SNTG1: variants seen among roughly 807,000 people sequenced by gnomAD.
The protein encoded by SNTG1 is gamma-1-syntrophin.
SNTG1 carries 39 observed loss-of-function variants against 74.7 expected under a neutral mutation model. That is an observed-to-expected ratio of 0.52 (90% CI 0.40 to 0.68). SNTG1 has a LOEUF of 0.68. SNTG1 is among the 30% of genes least tolerant of loss of function. The pLI is 0.00. For synonymous variants in SNTG1, 254 were observed against 217.1 expected, an observed-to-expected ratio of 1.17 and a Z score of -1.49; for missense variants, 685 against 609.5, an observed-to-expected ratio of 1.12 and a Z score of -1.30.
At chr8:50,499,940 A>G (rs2129640061) in intron 8 of SNTG1, among the ~76,000 whole-genome samples, 2 of 152,216 alleles carry the variant, frequency 1.3e-5, no homozygotes, top group Admixed American at 1.3e-4. Context: ...TAATGTTTAC[A>G]TAAGTCCTTT....
At chr8:50,569,224 T>C (rs1185740637) in intron 12 of SNTG1, among the ~76,000 whole-genome samples, 1 of 152,154 alleles carries the variant, frequency 6.6e-6, no homozygotes, top group Non-Finnish European at 1.5e-5. Flanking sequence ...CATTGCTTAA[T>C]ACGGAAGATG....
chr8:50,011,161 C>T (rs1038870035), intron 1 of SNTG1, among the ~76,000 whole-genome samples: 1 of 152,230 alleles, frequency 6.6e-6, no homozygotes, highest in South Asian at 2.1e-4. Flanking sequence ...ATCTCCTCAT[C>T]TCATTGAGAA....
intron 1 of SNTG1, chr8:50,163,855 T>A (rs1410259131): frequency 1.3e-5 from 2 of 152,206 alleles, no homozygotes; most frequent in Non-Finnish European, 2.9e-5. Context: ...AGATTCTAAA[T>A]GGAACATGAC....
chr8:50,275,005 T>C (rs1430471931), intron 2 of SNTG1, among the ~76,000 whole-genome samples: 1 of 152,186 alleles, frequency 6.6e-6, no homozygotes, highest in Admixed American at 6.6e-5. Context: ...CACCTATATT[T>C]ATAAATTATG....
rs137966145 is a variant in SNTG1, at chr8:50,664,780, C to T, written c.1038+6117C>T. ...CGGACGTAACTGCATGACTTGAAGCCCAAGTGTAGTAGTTGTTATGCTAAC... is the reference window on the plus strand; with the variant it reads ...CGGACGTAACTGCATGACTTGAAGCTCAAGTGTAGTAGTTGTTATGCTAAC... On this transcript the variant is annotated intron_variant, in intron 15 of 18. Transcript: ENST00000642720. Among the ~76,000 whole-genome samples, 32 of 152,110 alleles carry T rather than the reference C, an allele frequency of 2.1e-4. 1 individual carries two copies. The highest frequency in any genetic ancestry group is 7.0e-4 in the African/African-American group (29 of 41,502).
chr8:50,764,470 C>T (rs535729948), intron 18 of SNTG1, among the ~76,000 whole-genome samples: 1 of 152,002 alleles, frequency 6.6e-6, no homozygotes, highest in Non-Finnish European at 1.5e-5. Flanking sequence ...CATTTTGAGA[C>T]ATTTCTCAAA....
chr8:50,367,359 A>C (rs1314529871), intron 2 of SNTG1, among the ~76,000 whole-genome samples: 5 of 152,100 alleles, frequency 3.3e-5, no homozygotes, highest in Non-Finnish European at 5.9e-5. Flanking sequence ...AAATTCCCAC[A>C]GTAAAATTAG....
chr8:50,533,084 A>G (rs983340805), intron 10 of SNTG1, among the ~76,000 whole-genome samples: 2 of 152,190 alleles, frequency 1.3e-5, no homozygotes, highest in Non-Finnish European at 2.9e-5. Flanking sequence ...CGACATCACT[A>G]ATTTGAAGGT....
At chr8:49,996,099 T>A (rs1263729371) in intron 1 of SNTG1, among the ~76,000 whole-genome samples, 1 of 152,146 alleles carries the variant, frequency 6.6e-6, no homozygotes, top group Non-Finnish European at 1.5e-5. Context: ...TTATTAAAAT[T>A]GAATTTTTTG....
chr8:50,535,443 A>T (rs1006737563), intron 10 of SNTG1, among the ~76,000 whole-genome samples: 2 of 152,142 alleles, frequency 1.3e-5, no homozygotes, highest in Non-Finnish European at 2.9e-5. Flanking sequence ...GGCCAGGAGA[A>T]AGAGTAATAT....
intron 2 of SNTG1, among the ~76,000 whole-genome samples, chr8:50,379,229 G>C (rs964429885): frequency 1.3e-5 from 2 of 152,196 alleles, no homozygotes; most frequent in Non-Finnish European, 2.9e-5. Flanking sequence ...GACGGCATCT[G>C]GGCTTGGCCC....
chr8:50,139,087 G>T (rs2081575119), intron 1 of SNTG1, among the ~76,000 whole-genome samples: 1 of 152,044 alleles, frequency 6.6e-6, no homozygotes. Context: ...GCTTACATTT[G>T]TGTAGATTTT....
intron 1 of SNTG1, among the ~76,000 whole-genome samples, chr8:50,170,925 A>T (rs1420489508): frequency 8.5e-5 from 13 of 152,154 alleles, no homozygotes; most frequent in Non-Finnish European, 1.6e-4. Context: ...GCACAGGAGG[A>T]TCTGTCCCAG....
At chr8:50,144,627 T>C (rs2081791382) in intron 1 of SNTG1, among the ~76,000 whole-genome samples, 1 of 152,106 alleles carries the variant, frequency 6.6e-6, no homozygotes, top group South Asian at 2.1e-4. Flanking sequence ...AGGAAGCTTC[T>C]TCAGGAATGG....
At chr8:49,922,307 A>G (rs766935208) in intron 1 of SNTG1, among the ~76,000 whole-genome samples, 1 of 152,140 alleles carries the variant, frequency 6.6e-6, no homozygotes, top group Non-Finnish European at 1.5e-5. Flanking sequence ...GGAGTGAATT[A>G]TCTACTTTCT....
At position 50,794,673 on chromosome 8, in the gene SNTG1, A is replaced by C. The variant is rs376464383; in HGVS notation, c.*1844A>C. On this transcript the variant is annotated 3_prime_UTR_variant, in exon 19 of 19. Transcript: ENST00000642720. Reference sequence around the variant, plus strand: ...AGCAGTGGGATACATCGAACTTAGAATTTTCAGCTGTGGCAAGTGGTTCAT... The same window carrying C: ...AGCAGTGGGATACATCGAACTTAGACTTTTCAGCTGTGGCAAGTGGTTCAT... 108 of 152,038 alleles carry C rather than the reference A, an allele frequency of 7.1e-4. No homozygotes were observed. The highest frequency in any genetic ancestry group is 2.5e-3 in the African/African-American group (105 of 41,526). 9.4% of individuals were successfully genotyped at this position (152,038 alleles called of 1,614,324 possible).
intron 2 of SNTG1, among the ~76,000 whole-genome samples, chr8:50,185,148 T>C (rs552760903): frequency 6.6e-6 from 1 of 152,164 alleles, no homozygotes; most frequent in Non-Finnish European, 1.5e-5. Context: ...AATCCCCACA[T>C]GTCAAGGGCA....
chr8:50,056,903 A>C (rs2130911928), intron 1 of SNTG1, among the ~76,000 whole-genome samples: 1 of 152,326 alleles, frequency 6.6e-6, no homozygotes, highest in South Asian at 2.1e-4. Context: ...CAAGCCAGCA[A>C]ATCCTCACTG....
intron 1 of SNTG1, among the ~76,000 whole-genome samples, chr8:50,097,172 G>C (rs779931439): frequency 6.6e-6 from 1 of 151,866 alleles, no homozygotes; most frequent in Non-Finnish European, 1.5e-5. Flanking sequence ...CAGTTTCGTC[G>C]TGTTGGCCAG....
Sources: gnomAD v4.1 joint callset for allele counts (sites outside exome capture counted in the v4.1 genomes callset) on GRCh38, gnomAD v4.1.1 for gene constraint, MANE v1.5 for transcripts, NCBI Gene and HGNC (gene_info 2026-07-23, HGNC 2026-07-21) for gene names.